LZTS1: variants seen among roughly 807,000 people sequenced by gnomAD.
LZTS1 encodes the protein leucine zipper putative tumor suppressor 1.
In LZTS1, 31 loss-of-function variants were observed where a neutral mutation model predicts 45.8. The observed-to-expected ratio is 0.68, with a 90% CI of 0.51 to 0.91. LZTS1 has a LOEUF of 0.91. Ranked by LOEUF, LZTS1 falls within the 40% of genes least tolerant of loss-of-function variation. LZTS1 has a pLI of 0.00. For missense variants in LZTS1, 821 were observed against 788.9 expected (o/e 1.04, Z -0.49); for synonymous variants, 359 against 357.3 (o/e 1.00, Z -0.05).
At chr8:20,265,169 C>T (rs11779725) in intron 1 of LZTS1, among the ~76,000 whole-genome samples, 5,411 of 152,236 alleles carry the variant, frequency 0.036, 156 homozygotes, top group Non-Finnish European at 0.051. Context: ...CTCTCCTTCC[C>T]ACTGGGGCGG....
intron 3 of LZTS1, among the ~76,000 whole-genome samples, chr8:20,251,170 G>C (rs1255667189): frequency 7.5e-6 from 1 of 133,182 alleles, no homozygotes; most frequent in African/African-American, 2.7e-5. Context: ...TATAAGAGTA[G>C]AGATTTGATC....
chr8:20,253,584 C>T lies in LZTS1; in HGVS notation c.347G>A (p.Gly116Asp). The change falls in exon 3 of 4, where the codon GGC (glycine) becomes GAC (aspartate). Residue 116 changes from glycine (G) to aspartate (D), a missense_variant and splice_region_variant. Physicochemically the swap from Gly to Asp is moderately conservative, Grantham distance 94. Coordinates refer to ENST00000381569, the MANE Select transcript of LZTS1 (RefSeq NM_021020.5). ...GGGCCTCACTGCACCCTTCTCGGAG[C>T]CCTGTAGAGGAAAAGGACCGCGGTG... ...LMPFSNQLEM[G>D]SEKGAVRPTA... The T allele has an allele frequency of 1.4e-6, 2 of 1,449,872 alleles. No homozygotes were observed. Among genetic ancestry groups the T allele is most frequent in the Non-Finnish European group, 1.8e-6 (2 of 1,103,600 alleles). The allele number at this position is 1,449,872 out of a possible 1,614,324, so 89.8% of individuals were successfully genotyped here.
Position 20,252,946 on chromosome 8 carries a change from G to A in LZTS1, c.985C>T (p.Gln329Ter). The change falls in exon 3 of 4, where the codon CAG becomes TAG. Residue 329 changes from glutamine to a stop codon, truncating the protein, a stop_gained. Transcript: ENST00000381569. LOFTEE classifies it high-confidence loss of function. ...QASQKSQRAQ[Q>*]VLHLQVLQLQ... ...TGCAGTACCTGCAGGTGCAGGACCT[G>A]CTGCGCGCGCTGGCTCTTCTGCGAG... 1.9e-6 allele frequency: 3 copies of A among 1,598,068 alleles called. No individual in the cohort carries two copies. The highest frequency in any genetic ancestry group is 2.2e-5 in the East Asian group (1 of 44,692).
Position 20,247,713 on chromosome 8 carries a change from A to G in LZTS1, c.*2009T>C, listed in dbSNP as rs913927271. The G allele has an allele frequency of 6.6e-6, 1 of 152,374 alleles. No individual in the cohort carries two copies. The highest frequency in any genetic ancestry group is 2.4e-5 in the African/African-American group (1 of 41,464). The allele number at this position is 152,374 out of a possible 1,614,324, so 9.4% of individuals were successfully genotyped here. ...CCACAGAAAAGGTGACTCTGGCCTCAGCCCGCACTCAGGGAAGGGCTAGGA... is the reference window on the plus strand; with the variant it reads ...CCACAGAAAAGGTGACTCTGGCCTCGGCCCGCACTCAGGGAAGGGCTAGGA... On this transcript the variant is annotated 3_prime_UTR_variant, in exon 4 of 4. Transcript: ENST00000381569.
At chr8:20,294,757 C>G (rs949292947) in intron 1 of LZTS1, among the ~76,000 whole-genome samples, 12 of 151,878 alleles carry the variant, frequency 7.9e-5, no homozygotes, top group African/African-American at 2.9e-4. Context: ...GGGAAGCTAC[C>G]CTGAGTGTGT....
intron 1 of LZTS1, among the ~76,000 whole-genome samples, chr8:20,287,389 C>A (rs1463950252): frequency 6.6e-6 from 1 of 152,248 alleles, no homozygotes; most frequent in Non-Finnish European, 1.5e-5. Flanking sequence ...TGCTGCTCAG[C>A]AGATGCTCAG....
At chr8:20,293,183 A>G (rs1023246211) in intron 1 of LZTS1, among the ~76,000 whole-genome samples, 2 of 151,960 alleles carry the variant, frequency 1.3e-5, no homozygotes, top group African/African-American at 4.8e-5. Flanking sequence ...TCTATATTCC[A>G]TTGCTAGATT....
chr8:20,291,700 G>A (rs1048011119), intron 1 of LZTS1, among the ~76,000 whole-genome samples: 19 of 141,238 alleles, frequency 1.3e-4, no homozygotes, highest in African/African-American at 3.8e-4. Context: ...TTTTCTTCAC[G>A]GCACCAATTA....
chr8:20,285,371 G>A (rs1487916214), intron 1 of LZTS1, among the ~76,000 whole-genome samples: 2 of 151,818 alleles, frequency 1.3e-5, no homozygotes, highest in Non-Finnish European at 2.9e-5. Context: ...ATGTCTCTGG[G>A]GCTTATCCAT....
Position 20,276,878 on chromosome 8 carries a change from A to G in LZTS1, c.-134-21563T>C, listed in dbSNP as rs141340178. ...GGGTTGATTGTTACGGTGTTAGATC[A>G]GAGGAAAACGGTTTATTTATTAAAG... On this transcript the variant is annotated intron_variant, in intron 1 of 3. Transcript: ENST00000381569. Among the ~76,000 whole-genome samples the G allele has an allele frequency of 5.9e-5, 9 of 152,346 alleles. No homozygotes were observed. The East Asian group carries it at 1.7e-3, about 29-fold the overall frequency.
intron 1 of LZTS1, among the ~76,000 whole-genome samples, chr8:20,301,602 A>G (rs1801077943): frequency 1.3e-5 from 2 of 152,198 alleles, no homozygotes; most frequent in African/African-American, 4.8e-5. Flanking sequence ...AGGCATATAA[A>G]TAAGTTTTCA....
chr8:20,289,917 C>G (rs1190811732), intron 1 of LZTS1: 1 of 152,228 alleles, frequency 6.6e-6, no homozygotes, highest in East Asian at 1.9e-4. Context: ...GTGGGAGGTT[C>G]CCACCACTGC....
intron 1 of LZTS1, among the ~76,000 whole-genome samples, chr8:20,285,880 T>C (rs541287672): frequency 6.6e-6 from 1 of 152,202 alleles, no homozygotes; most frequent in East Asian, 1.9e-4. Context: ...ATATATAAGA[T>C]CACTTGATTT....
intron 2 of LZTS1, 50 bp from the exon 3 acceptor site, chr8:20,253,635 T>G: frequency 7.3e-7 from 1 of 1,364,114 alleles, no homozygotes; most frequent in Non-Finnish European, 9.6e-7. Context: ...GCGCGCGCAT[T>G]GCACCCTCCC....
chr8:20,255,168 C>A lies in LZTS1; in HGVS notation c.14G>T (p.Ser5Ile), dbSNP rs767874583. 6.2e-7 allele frequency: 1 copy of A among 1,612,372 alleles called. No individual in the cohort carries two copies. Among genetic ancestry groups the A allele is most frequent in the Admixed American group, 1.7e-5 (1 of 60,006 alleles). MGSVSSLISGHSFHS... is the reference protein window; with the variant it reads MGSVISLISGHSFHS... ...GAAGCTGTGGCCGGAGATGAGGCTA[C>A]TGACGCTGCCCATGGTGACTCGGGG... Residue 5 changes from serine to isoleucine, a missense_variant, in exon 2 of 4, where the codon AGT becomes ATT. Ser to Ile is a moderately radical substitution (Grantham distance 142, BLOSUM62 -2). Coordinates refer to ENST00000381569, the MANE Select transcript of LZTS1 (RefSeq NM_021020.5).
intron 1 of LZTS1, among the ~76,000 whole-genome samples, chr8:20,271,428 A>C (rs1353071453): frequency 6.6e-6 from 1 of 152,116 alleles, no homozygotes; most frequent in Non-Finnish European, 1.5e-5. Flanking sequence ...CTGCCACCTA[A>C]GTCCCTCAGC....
chr8:20,272,278 C>G (rs1800488848), intron 1 of LZTS1, among the ~76,000 whole-genome samples: 1 of 152,178 alleles, frequency 6.6e-6, no homozygotes, highest in Admixed American at 6.5e-5. Flanking sequence ...GCTGCTGATA[C>G]TCTGGGTCGC....
At chr8:20,286,398 G>T (rs545044869) in intron 1 of LZTS1, among the ~76,000 whole-genome samples, 22 of 152,248 alleles carry the variant, frequency 1.4e-4, no homozygotes, top group South Asian at 4.2e-4. Flanking sequence ...ATATAAAAAG[G>T]TATACTCACT....
At chr8:20,282,617 C>A (rs1800715255) in intron 1 of LZTS1, among the ~76,000 whole-genome samples, 1 of 152,172 alleles carries the variant, frequency 6.6e-6, no homozygotes, top group African/African-American at 2.4e-5. Flanking sequence ...GCATTATTGA[C>A]AAAGGCTAGG....
Sources: allele counts gnomAD v4.1 joint callset (sites outside exome capture counted in the v4.1 genomes callset), GRCh38; gene constraint gnomAD v4.1.1; transcripts MANE v1.5; gene names NCBI Gene and HGNC (gene_info 2026-07-23, HGNC 2026-07-21).